RPP30: variants seen among roughly 807,000 people sequenced by gnomAD.
RPP30 encodes the protein ribonuclease P protein subunit p30.
RPP30 carries 36 observed loss-of-function variants against 38.6 expected under a neutral mutation model. The ratio of observed to expected loss-of-function variants is 0.93; its 90% CI spans 0.71 to 1.23. RPP30 has a LOEUF of 1.23. RPP30 is among the 50% of genes most tolerant of loss of function. The pLI is 0.00. For synonymous variants in RPP30, 126 were observed against 112.7 expected, an observed-to-expected ratio of 1.12 and a Z score of -0.75; for missense variants, 321 against 321.7, an observed-to-expected ratio of 1.00 and a Z score of 0.02.
At chr10:90,908,437 A>T (rs1847275664) in exon 5 of RPP30, 1 of 152,048 alleles carries the variant, frequency 6.6e-6, no homozygotes, top group African/African-American at 2.4e-5. Flanking sequence ...GATTTGTGGC[A>T]CCTCTGTAAC....
intron 1 of RPP30, among the ~76,000 whole-genome samples, chr10:90,873,163 A>G (rs1846805570): frequency 6.6e-6 from 1 of 152,188 alleles, no homozygotes; most frequent in South Asian, 2.1e-4. Flanking sequence ...TTCACTCTGC[A>G]GGCACCAGTA....
At chr10:90,884,270 C>G (rs1250390667) in intron 5 of RPP30, among the ~76,000 whole-genome samples, 3 of 152,150 alleles carry the variant, frequency 2.0e-5, no homozygotes, top group East Asian at 1.9e-4. Flanking sequence ...CCACTTATAC[C>G]TACTACATAC....
chr10:90,882,457 C>T (rs1046649214), intron 5 of RPP30, among the ~76,000 whole-genome samples: 10 of 152,000 alleles, frequency 6.6e-5, no homozygotes, highest in Admixed American at 3.3e-4. Flanking sequence ...AGGCAGATCA[C>T]GAGAGGCCAT....
chr10:90,895,568 G>T, intron 8 of RPP30, 85 bp downstream of exon 8: 1 of 788,180 alleles, frequency 1.3e-6, no homozygotes. Flanking sequence ...AATAGTAAAT[G>T]AATATTTGTT....
At chr10:90,902,311 G>T, downstream of RPP30, 1 of 396,074 alleles carries the variant, frequency 2.5e-6, no homozygotes, top group South Asian at 1.9e-5. Flanking sequence ...TTTGCCTCTT[G>T]GGCTCAAGCC....
At chr10:90,875,027 A>G in intron 2 of RPP30, 103 bp downstream of exon 2, 1 of 650,896 alleles carries the variant, frequency 1.5e-6, no homozygotes, top group Non-Finnish European at 2.6e-6. Flanking sequence ...TCTTAAATGC[A>G]CCCCTTTGTG....
intron 1 of RPP30, 145 bp downstream of exon 1, chr10:90,872,213 G>GT (rs1846787420): frequency 8.6e-6 from 6 of 701,360 alleles, no homozygotes; most frequent in Middle Eastern, 4.9e-4. Flanking sequence ...CCGCCGAGGT[G>GT]TTGGTCTGAT....
In RPP30 at chr10:90,900,672, A is replaced by C. The variant is rs201939715; in HGVS notation, c.800A>C (p.Glu267Ala). Residue 267 changes from glutamate to alanine, a missense_variant, in exon 11 of 11, where the codon GAG becomes GCG. Transcript: ENST00000371703. ...CCAGCTTCCAAGAAAGCCAAGTGTGAGGGCTGAAAAGAATGCCCCAGTCTC... is the reference window on the plus strand; with the variant it reads ...CCAGCTTCCAAGAAAGCCAAGTGTGCGGGCTGAAAAGAATGCCCCAGTCTC... ...CLPASKKAKC[E>A]G The C allele has an allele frequency of 3.1e-6, 5 of 1,613,206 alleles. No homozygotes were observed. Among genetic ancestry groups the C allele is most frequent in the Non-Finnish European group, 4.2e-6 (5 of 1,179,606 alleles).
At chr10:90,877,604 TGGTCAAGCAGACA>T (rs1320123104) in intron 4 of RPP30, among the ~76,000 whole-genome samples, 1 of 151,440 alleles carries the variant, frequency 6.6e-6, no homozygotes, top group African/African-American at 2.4e-5. Flanking sequence ...TATACCTGTG[TGGTCAAGCAGACA>T]GGCAAAAAAA....
intron 10 of RPP30, among the ~76,000 whole-genome samples, chr10:90,898,375 C>T (rs1847167036): frequency 6.6e-6 from 1 of 152,000 alleles, no homozygotes. Context: ...ATATGGTTAC[C>T]CTGGTTTTCG....
chr10:90,885,793 A>T lies in RPP30; in HGVS notation c.343-19A>T. On this transcript the variant is annotated intron_variant, in intron 5 of 10. Coordinates refer to ENST00000371703, the MANE Select transcript of RPP30 (RefSeq NM_006413.5). ...GCCAATTTTCCTTTTGGCCTTACCT[A>T]TTTTTTTCTTCTTTACAGATTGCTT... 1.3e-6 allele frequency: 2 copies of T among 1,577,434 alleles called. No homozygotes were observed. Among genetic ancestry groups the T allele is most frequent in the Non-Finnish European group, 1.7e-6 (2 of 1,150,420 alleles).
chr10:90,897,387 C>T (rs565660764), intron 10 of RPP30, among the ~76,000 whole-genome samples: 6 of 152,154 alleles, frequency 3.9e-5, no homozygotes, highest in Non-Finnish European at 8.8e-5. Context: ...ATCTGATTTC[C>T]ACTTGAGAGA....
At chr10:90,887,054 A>C (rs1024451614) in intron 6 of RPP30, among the ~76,000 whole-genome samples, 22 of 152,112 alleles carry the variant, frequency 1.4e-4, no homozygotes, top group Non-Finnish European at 2.9e-4. Context: ...TGCAGCCTCA[A>C]CTTCCTGGGA....
At chr10:90,873,667 T>A (rs1846812833) in intron 1 of RPP30, among the ~76,000 whole-genome samples, 1 of 152,250 alleles carries the variant, frequency 6.6e-6, no homozygotes, top group South Asian at 2.1e-4. Context: ...CATTGTTTAG[T>A]AGCCAAAAGG....
intron 6 of RPP30, among the ~76,000 whole-genome samples, chr10:90,889,210 G>A (rs954981857): frequency 9.2e-5 from 14 of 151,912 alleles, no homozygotes; most frequent in Non-Finnish European, 1.8e-4. Context: ...CACAGTCTTG[G>A]TCCTTGCATG....
chr10:90,877,012 A>C (rs1029509109), intron 4 of RPP30, among the ~76,000 whole-genome samples: 2 of 152,146 alleles, frequency 1.3e-5, no homozygotes, highest in Non-Finnish European at 2.9e-5. Flanking sequence ...TGAGAGTTTC[A>C]AAAGAGCCCG....
At chr10:90,888,735 GTTCAGGAAAGCTCCT>G (rs1847035018) in intron 6 of RPP30, among the ~76,000 whole-genome samples, 1 of 152,146 alleles carries the variant, frequency 6.6e-6, no homozygotes, top group African/African-American at 2.4e-5. Flanking sequence ...CCATTGGGAA[GTTCAGGAAAGCTCCT>G]TTCGTTTGAT....
At chr10:90,891,405 C>T (rs1847080317) in intron 6 of RPP30, among the ~76,000 whole-genome samples, 1 of 152,186 alleles carries the variant, frequency 6.6e-6, no homozygotes, top group African/African-American at 2.4e-5. Flanking sequence ...TCCAATCTGA[C>T]TTCATCTTAA....
At chr10:90,885,276 T>C (rs1846984489) in intron 5 of RPP30, among the ~76,000 whole-genome samples, 1 of 152,228 alleles carries the variant, frequency 6.6e-6, no homozygotes, top group African/African-American at 2.4e-5. Context: ...GTAGATTCCT[T>C]CTATTAGTAT....
Sources: gnomAD v4.1 joint callset for allele counts (sites outside exome capture counted in the v4.1 genomes callset) on GRCh38, gnomAD v4.1.1 for gene constraint, MANE v1.5 for transcripts, NCBI Gene and HGNC (gene_info 2026-07-23, HGNC 2026-07-21) for gene names.